Variants in PKP1 observed in about 807,000 individuals in gnomAD.
PKP1 encodes the protein plakophilin-1.
In PKP1, 27 loss-of-function variants were observed where a neutral mutation model predicts 76.4. That is an observed-to-expected ratio of 0.35 (90% CI 0.26 to 0.49). PKP1 has a LOEUF of 0.49. PKP1 is among the 20% of genes least tolerant of loss of function. The probability of loss-of-function intolerance (pLI) is 0.99; values close to 1 mark genes in which losing one functional copy is unlikely to be tolerated. For synonymous variants in PKP1, 404 were observed against 384.2 expected (o/e 1.05, Z -0.60); for missense variants, 964 against 955.2 (o/e 1.01, Z -0.12).
intron 13 of PKP1, among the ~76,000 whole-genome samples, chr1:201,329,444 C>G (rs562505636): frequency 6.6e-6 from 1 of 152,358 alleles, no homozygotes; most frequent in East Asian, 1.9e-4. Context: ...TATTCTGACT[C>G]AATAGCCCTG....
chr1:201,321,621 A>G (rs928359587), intron 7 of PKP1, among the ~76,000 whole-genome samples: 10 of 151,964 alleles, frequency 6.6e-5, no homozygotes, highest in Non-Finnish European at 1.2e-4. Flanking sequence ...GCCCATTGGC[A>G]TGTTGTCCAT....
intron 7 of PKP1, 152 bp from the exon 8 acceptor site, chr1:201,321,826 A>G (rs1656948878): frequency 2.4e-6 from 2 of 825,376 alleles, no homozygotes; most frequent in Non-Finnish European, 3.9e-6. Context: ...GCCCTGGAAG[A>G]CTTCCCAGGC....
intron 3 of PKP1, 98 bp from the exon 4 acceptor site, chr1:201,316,455 G>A (rs1571556728): frequency 7.6e-7 from 1 of 1,314,562 alleles, no homozygotes; most frequent in Non-Finnish European, 1.1e-6. Flanking sequence ...GAGGGCAGAT[G>A]AGGCTGTGGC....
intron 6 of PKP1, among the ~76,000 whole-genome samples, chr1:201,319,076 C>A (rs936299966): frequency 6.6e-6 from 1 of 151,648 alleles, no homozygotes; most frequent in Non-Finnish European, 1.5e-5. Context: ...ACTGGTTCAA[C>A]CATTTCCCTC....
At chr1:201,293,782 A>G (rs1300674217) in intron 1 of PKP1, among the ~76,000 whole-genome samples, 160 bp from the exon 2 acceptor site, 4 of 152,110 alleles carry the variant, frequency 2.6e-5, no homozygotes, top group Admixed American at 2.6e-4. Context: ...GAGGATGTGG[A>G]GATAGATGGA....
At chr1:201,303,983 T>C (rs1446475430) in intron 2 of PKP1, among the ~76,000 whole-genome samples, 1 of 152,190 alleles carries the variant, frequency 6.6e-6, no homozygotes, top group Non-Finnish European at 1.5e-5. Flanking sequence ...CTGGCACATT[T>C]AAGGTGGATG....
intron 12 of PKP1, 72 bp from the exon 13 acceptor site, chr1:201,328,688 AGT>A: frequency 2.3e-6 from 3 of 1,331,228 alleles, no homozygotes; most frequent in Non-Finnish European, 3.3e-6. Flanking sequence ...CTGGGAGGGC[AGT>A]GGACAGTGTC....
chr1:201,302,033 G>T (rs527495203), intron 2 of PKP1, among the ~76,000 whole-genome samples: 45 of 152,278 alleles, frequency 3.0e-4, no homozygotes, highest in Admixed American at 1.1e-3. Context: ...GGTGGCTTTC[G>T]AGCCTGTTTC....
intron 10 of PKP1, 116 bp from the exon 11 acceptor site, chr1:201,324,825 C>A: frequency 1.7e-6 from 2 of 1,163,356 alleles, no homozygotes; most frequent in South Asian, 1.4e-5. Flanking sequence ...GCCCTGAGGG[C>A]CACCTGGCTC....
Position 201,320,969 on chromosome 1 carries a change from A to G in PKP1, c.1347+588A>G, listed in dbSNP as rs115975793. ...CTGGACTTCTGGACACACAGCACAG[A>G]CAAACAGAAAGAAAAAAAGTTGTGG... On this transcript the variant is annotated intron_variant, in intron 7 of 13. Transcript: ENST00000367324. Among the ~76,000 whole-genome samples the G allele has an allele frequency of 2.2e-3, 335 of 152,330 alleles. 4 individuals are homozygous for G. Among genetic ancestry groups the G allele is most frequent in the African/African-American group, 8.0e-3 (332 of 41,568 alleles).
At position 201,293,994 on chromosome 1, in the gene PKP1, G is replaced by A. The variant is rs772467980; in HGVS notation, c.255G>A (p.Arg85=). 2.5e-6 allele frequency: 4 copies of A among 1,613,968 alleles called. No individual in the cohort carries two copies. Among genetic ancestry groups the A allele is most frequent in the Non-Finnish European group, 2.5e-6 (3 of 1,179,916 alleles). Residue 85 remains arginine (R), a synonymous_variant, in exon 2 of 14, where the codon AGG becomes AGA. Coordinates refer to ENST00000367324, the MANE Select transcript of PKP1 (RefSeq NM_001005337.3). ...ATTACAACTATGGGACCACCAGCAG[G>A]AGCAGCTACTACTCCAAGTTCCAGG... ...ADNYNYGTTS[R]SSYYSKFQAG...
intron 12 of PKP1, among the ~76,000 whole-genome samples, chr1:201,328,136 C>T (rs1318558118): frequency 6.6e-6 from 1 of 152,178 alleles, no homozygotes; most frequent in Non-Finnish European, 1.5e-5. Context: ...CCTATTGCTG[C>T]ATTCAAATCA....
chr1:201,289,007 G>A (rs1252243641), intron 1 of PKP1, among the ~76,000 whole-genome samples: 2 of 152,314 alleles, frequency 1.3e-5, no homozygotes, highest in African/African-American at 4.8e-5. Flanking sequence ...CAAAGTGCCC[G>A]GTGAGGCTGT....
chr1:201,322,626 C>T (rs1407422929), intron 8 of PKP1, among the ~76,000 whole-genome samples: 2 of 152,120 alleles, frequency 1.3e-5, no homozygotes, highest in African/African-American at 4.8e-5. Context: ...CCTCTTTGGC[C>T]CAGGGTGGGT....
chr1:201,315,559 C>T (rs1197505119), intron 3 of PKP1, among the ~76,000 whole-genome samples: 1 of 152,202 alleles, frequency 6.6e-6, no homozygotes, highest in Non-Finnish European at 1.5e-5. Flanking sequence ...AGTGGTGTGC[C>T]TTGAGGCATG....
chr1:201,303,718 G>GA (rs1439105114), intron 2 of PKP1, among the ~76,000 whole-genome samples: 1 of 152,128 alleles, frequency 6.6e-6, no homozygotes, highest in African/African-American at 2.4e-5. Flanking sequence ...ATCAAAATGG[G>GA]AAAAAGAAGT....
chr1:201,296,097 T>A (rs1217947418), intron 2 of PKP1, among the ~76,000 whole-genome samples: 1 of 152,162 alleles, frequency 6.6e-6, no homozygotes, highest in Non-Finnish European at 1.5e-5. Context: ...ACTGCAGACA[T>A]GACTCATGGC....
chr1:201,316,338 C>T lies in PKP1; in HGVS notation c.702-215C>T, dbSNP rs539736055. 17 of 582,206 alleles carry T rather than the reference C, an allele frequency of 2.9e-5. No homozygotes were observed. In the African/African-American group the frequency reaches 3.2e-4, roughly 11 times the overall value. The allele number at this position is 582,206 out of a possible 1,614,324, so 36.1% of individuals were successfully genotyped here. On this transcript the variant is annotated intron_variant, in intron 3 of 13. Coordinates refer to ENST00000367324, the MANE Select transcript of PKP1 (RefSeq NM_001005337.3). ...ACTGTGACCAGGGGCTCACTATTCT[C>T]ACATGGGGCAAATCCAGTGGGTGTA...
At chr1:201,315,781 A>G (rs990385122) in intron 3 of PKP1, among the ~76,000 whole-genome samples, 1 of 152,228 alleles carries the variant, frequency 6.6e-6, no homozygotes, top group African/African-American at 2.4e-5. Flanking sequence ...TTTAAACTTG[A>G]ACCTGAAGTA....
Sources: allele counts gnomAD v4.1 joint callset (sites outside exome capture counted in the v4.1 genomes callset), GRCh38; gene constraint gnomAD v4.1.1; transcripts MANE v1.5; gene names NCBI Gene and HGNC (gene_info 2026-07-23, HGNC 2026-07-21).